The following SPAG16 variants were observed in gnomAD, a reference collection of about 807,000 sequenced individuals.
The protein encoded by SPAG16 is sperm-associated antigen 16 protein.
SPAG16 carries 86 observed loss-of-function variants against 80.4 expected under a neutral mutation model. That is an observed-to-expected ratio of 1.07 (90% confidence interval 0.90 to 1.28). The LOEUF is 1.28. Among genes scored for constraint, SPAG16 ranks in the 50% most tolerant of loss-of-function variants. SPAG16 has a pLI of 0.00. For missense variants in SPAG16, 870 were observed against 765.3 expected (o/e 1.14, Z -1.61); for synonymous variants, 294 against 265.9 (o/e 1.11, Z -1.03).
intron 10 of SPAG16, among the ~76,000 whole-genome samples, chr2:213,753,247 C>T (rs929114210): frequency 2.0e-5 from 3 of 152,118 alleles, no homozygotes; most frequent in Admixed American, 6.6e-5. Context: ...TTCCTGACCT[C>T]GTGATCCGCC....
At chr2:213,585,781 A>T (rs969413630) in intron 10 of SPAG16, among the ~76,000 whole-genome samples, 1 of 152,238 alleles carries the variant, frequency 6.6e-6, no homozygotes, top group African/African-American at 2.4e-5. Context: ...TAATTTGTAA[A>T]CACTTATATT....
At position 213,725,290 on chromosome 2, in the gene SPAG16, C is replaced by T. The variant is rs183394433; in HGVS notation, c.1071-137195C>T. 1.2e-4 allele frequency among the ~76,000 whole-genome samples: 18 copies of T among 152,314 alleles called. 1 individual carries two copies. The highest frequency in any genetic ancestry group is 2.4e-4 in the Non-Finnish European group (16 of 68,036). ...CCAGCTGCTTAGGCCTCTCAAAGGG[C>T]TGGTATTACAGGCATGAACCACTGC... On this transcript the variant is annotated intron_variant, in intron 10 of 15. Coordinates refer to ENST00000331683, the MANE Select transcript of SPAG16 (RefSeq NM_024532.5).
chr2:213,523,133 G>A (rs1575829715), intron 10 of SPAG16, among the ~76,000 whole-genome samples: 1 of 152,124 alleles, frequency 6.6e-6, no homozygotes, highest in East Asian at 1.9e-4. Flanking sequence ...GGACCCAGTG[G>A]GAGGTAATTG....
chr2:213,981,605 G>A (rs1388465516), intron 12 of SPAG16, among the ~76,000 whole-genome samples: 1 of 152,004 alleles, frequency 6.6e-6, no homozygotes, highest in Non-Finnish European at 1.5e-5. Context: ...GGAAGAAAAT[G>A]AAAATAGCGT....
intron 15 of SPAG16, among the ~76,000 whole-genome samples, chr2:214,187,256 T>C (rs139128292): frequency 9.2e-5 from 14 of 152,236 alleles, no homozygotes; most frequent in African/African-American, 3.4e-4. Context: ...TTTTAATCCA[T>C]AGTAATCTCT....
intron 10 of SPAG16, among the ~76,000 whole-genome samples, chr2:213,791,931 G>A (rs1235536584): frequency 6.6e-6 from 1 of 152,154 alleles, no homozygotes; most frequent in Non-Finnish European, 1.5e-5. Flanking sequence ...TGAAGTTAAA[G>A]CATTCATTAA....
At chr2:213,841,180 C>T (rs1441941323) in intron 10 of SPAG16, among the ~76,000 whole-genome samples, 1 of 151,964 alleles carries the variant, frequency 6.6e-6, no homozygotes, top group Non-Finnish European at 1.5e-5. Context: ...AGAGTATGTT[C>T]ATTTGTATGT....
chr2:213,655,569 G>A (rs1301928284), intron 10 of SPAG16, among the ~76,000 whole-genome samples: 3 of 152,142 alleles, frequency 2.0e-5, no homozygotes, highest in African/African-American at 7.2e-5. Flanking sequence ...TTAGGATAAC[G>A]GTAATCCTTG....
chr2:213,376,016 A>G (rs1277246974), intron 9 of SPAG16, among the ~76,000 whole-genome samples: 1 of 150,850 alleles, frequency 6.6e-6, no homozygotes, highest in African/African-American at 2.4e-5. Context: ...ATACAATACC[A>G]GAATCCAATG....
intron 13 of SPAG16, among the ~76,000 whole-genome samples, chr2:214,032,484 G>A (rs2048463193): frequency 6.6e-6 from 1 of 152,106 alleles, no homozygotes; most frequent in African/African-American, 2.4e-5. Flanking sequence ...AAATTTATGG[G>A]CATATTGAAG....
rs1553617132 is a variant in SPAG16, at chr2:213,292,692, A to AC, written c.137-3372_137-3371insC. 1.2e-4 allele frequency among the ~76,000 whole-genome samples: 16 copies of AC among 135,836 alleles called. 1 individual carries two copies. Among genetic ancestry groups the AC allele is most frequent in the African/African-American group, 3.2e-4 (11 of 34,828 alleles). 89.1% of individuals were successfully genotyped at this position (135,836 alleles called of 152,430 possible). On this transcript the variant is annotated intron_variant, in intron 1 of 15. Transcript: ENST00000331683. ...AAAAAAAAACAAAAAAAACAAAAAA[A>AC]AACAAAACTATCAGAAAGATATAAA...
chr2:214,149,660 G>T (rs969115473), intron 15 of SPAG16, among the ~76,000 whole-genome samples: 1 of 152,002 alleles, frequency 6.6e-6, no homozygotes. Context: ...AATATTTTTA[G>T]TGTAATAATT....
At chr2:213,963,418 T>TTC (rs2044554960) in intron 12 of SPAG16, among the ~76,000 whole-genome samples, 3 of 152,172 alleles carry the variant, frequency 2.0e-5, no homozygotes, top group African/African-American at 7.2e-5. Context: ...TTTCTACGAT[T>TTC]TAATTTCTTT....
chr2:213,403,208 G>T (rs2068422065), intron 9 of SPAG16, among the ~76,000 whole-genome samples: 1 of 152,036 alleles, frequency 6.6e-6, no homozygotes, highest in Non-Finnish European at 1.5e-5. Context: ...TGTGTTTTTT[G>T]GCTGCATAAA....
At chr2:213,355,946 CCA>C (rs1352714889) in intron 7 of SPAG16, among the ~76,000 whole-genome samples, 1 of 152,134 alleles carries the variant, frequency 6.6e-6, no homozygotes, top group Non-Finnish European at 1.5e-5. Flanking sequence ...TTGTCTTGTG[CCA>C]GTTTTCAAAG....
At chr2:214,134,350 T>C (rs1297383641) in intron 14 of SPAG16, among the ~76,000 whole-genome samples, 1 of 152,208 alleles carries the variant, frequency 6.6e-6, no homozygotes, top group East Asian at 1.9e-4. Context: ...AATTCAAAGG[T>C]CACACATTCC....
Position 214,041,941 on chromosome 2 carries a change from A to G in SPAG16, c.1527+27864A>G, listed in dbSNP as rs1293651289. On this transcript the variant is annotated intron_variant, in intron 13 of 15. Coordinates refer to ENST00000331683, the MANE Select transcript of SPAG16 (RefSeq NM_024532.5). ...ATATCTTTTGTGTATATATTTATAT[A>G]TATATAGTTTGTGTATATATTTGTG... Among the ~76,000 whole-genome samples the G allele has an allele frequency of 3.4e-5, 5 of 145,040 alleles. No homozygotes were observed. In the East Asian group the frequency reaches 9.9e-4, roughly 29 times the overall value.
chr2:213,595,134 A>G (rs1013304868), intron 10 of SPAG16, among the ~76,000 whole-genome samples: 1 of 152,058 alleles, frequency 6.6e-6, no homozygotes, highest in African/African-American at 2.4e-5. Flanking sequence ...TTTAAATGAT[A>G]ATTTAGAAGC....
chr2:213,952,777 ACT>A, intron 12 of SPAG16, among the ~76,000 whole-genome samples: 1 of 152,202 alleles, frequency 6.6e-6, no homozygotes, highest in African/African-American at 2.4e-5. Flanking sequence ...GATAATTTGG[ACT>A]TCAAAGAAAT....
Sources: allele counts gnomAD v4.1 joint callset (sites outside exome capture counted in the v4.1 genomes callset), GRCh38; gene constraint gnomAD v4.1.1; transcripts MANE v1.5; gene names NCBI Gene and HGNC (gene_info 2026-07-23, HGNC 2026-07-21).